The following ANO4 variants were observed in gnomAD, a reference collection of about 807,000 sequenced individuals.
ANO4 encodes anoctamin 4, also known as anoctamin-4.
A neutral mutation model predicts 141.9 loss-of-function variants in ANO4; 69 were observed. The observed-to-expected ratio is 0.49, with a 90% CI of 0.40 to 0.59. The LOEUF is 0.59. ANO4 is among the 20% of genes least tolerant of loss of function. ANO4 has a pLI of 0.00. For synonymous variants in ANO4, 350 were observed against 394.3 expected, an observed-to-expected ratio of 0.89 and a Z score of 1.33; for missense variants, 894 against 1,162.2, an observed-to-expected ratio of 0.77 and a Z score of 3.36.
intron 2 of ANO4, among the ~76,000 whole-genome samples, chr12:100,915,334 G>C (rs1234993389): frequency 6.6e-6 from 1 of 152,132 alleles, no homozygotes; most frequent in Non-Finnish European, 1.5e-5. Context: ...TGCTGTGTTT[G>C]AGAATTTGTA....
intron 16 of ANO4, 135 bp from the exon 17 acceptor site, chr12:101,086,525 A>T: frequency 1.1e-6 from 1 of 894,898 alleles, no homozygotes; most frequent in Non-Finnish European, 1.7e-6. Context: ...AAAAGTATGC[A>T]TTTGATTGTG....
chr12:100,868,717 G>A (rs552774949), intron 1 of ANO4, among the ~76,000 whole-genome samples: 3 of 152,240 alleles, frequency 2.0e-5, no homozygotes, highest in Admixed American at 2.0e-4. Flanking sequence ...TGTGGTTAGA[G>A]AATGGCTGTT....
In ANO4 at chr12:100,942,504, T is replaced by G; in HGVS notation, c.425T>G (p.Ile142Ser). 1 of 1,613,962 alleles carries G rather than the reference T, an allele frequency of 6.2e-7. No individual in the cohort carries two copies. The highest frequency in any genetic ancestry group is 8.5e-7 in the Non-Finnish European group (1 of 1,179,952). Residue 142 changes from isoleucine to serine, a missense_variant, in exon 5 of 28, where the codon ATT (isoleucine) becomes AGT (serine). Ile to Ser is a moderately radical substitution (Grantham distance 142, BLOSUM62 -2). Transcript: ENST00000392977. ...AAGAGAGAAGTATTTGAAAGAAACATTAGAGCAGAAGGATTGCAAATGGAG... is the reference window on the plus strand; with the variant it reads ...AAGAGAGAAGTATTTGAAAGAAACAGTAGAGCAGAAGGATTGCAAATGGAG... ...TEKREVFERN[I>S]RAEGLQMEKE...
In ANO4 at chr12:100,817,339, A is replaced by T. The variant is rs190336044; in HGVS notation, c.-141+22312A>T. The stretch of plus-strand genomic sequence containing the variant: ...CTGGTTTCCAGCAGACACAACCTAG[A>T]GTAATCCCTGCCTAGGCTTAGCCTA... On this transcript the variant is annotated intron_variant, in intron 1 of 27. Coordinates refer to ENST00000392977, the MANE Select transcript of ANO4 (RefSeq NM_001286615.2). Among the ~76,000 whole-genome samples the T allele has an allele frequency of 4.6e-3, 695 of 151,994 alleles. 4 individuals are homozygous for T. The highest frequency in any genetic ancestry group is 7.4e-3 in the Non-Finnish European group (504 of 67,856).
chr12:101,062,217 CA>C (rs2048375636), intron 14 of ANO4, among the ~76,000 whole-genome samples: 1 of 152,190 alleles, frequency 6.6e-6, no homozygotes, highest in Non-Finnish European at 1.5e-5. Context: ...GTGGAGGCTG[CA>C]GAACAGCAAA....
chr12:100,966,832 T>C (rs1362859977), intron 5 of ANO4, among the ~76,000 whole-genome samples: 1 of 120,808 alleles, frequency 8.3e-6, no homozygotes, highest in African/African-American at 3.6e-5. Context: ...TATATACACA[T>C]ATATATACAC....
chr12:100,806,375 G>A (rs1445832987), intron 1 of ANO4, among the ~76,000 whole-genome samples: 1 of 151,942 alleles, frequency 6.6e-6, no homozygotes, highest in Non-Finnish European at 1.5e-5. Flanking sequence ...GTGAAAAGTA[G>A]CATCTTATAG....
intron 2 of ANO4, among the ~76,000 whole-genome samples, chr12:100,920,205 T>C (rs2041567294): frequency 6.6e-6 from 1 of 152,170 alleles, no homozygotes. Context: ...AATCCAGTTC[T>C]CTTATCTCCA....
intron 14 of ANO4, chr12:101,068,839 G>A (rs1416442894): frequency 3.7e-5 from 37 of 1,008,782 alleles, no homozygotes; most frequent in Non-Finnish European, 5.4e-5. Flanking sequence ...TGAGCTATTT[G>A]AAAAACTTAG....
intron 1 of ANO4, among the ~76,000 whole-genome samples, chr12:100,729,429 G>C (rs2031292543): frequency 7.1e-6 from 1 of 141,528 alleles, no homozygotes; most frequent in African/African-American, 2.6e-5. Context: ...GGTAGGTCCT[G>C]TTATATAAAT....
At chr12:100,805,932 ATGT>A (rs1236319388) in intron 1 of ANO4, among the ~76,000 whole-genome samples, 9 of 152,176 alleles carry the variant, frequency 5.9e-5, no homozygotes, top group Admixed American at 1.3e-4. Context: ...ACAGTAAGTG[ATGT>A]TGTGGCAGGA....
At chr12:101,024,285 A>T (rs538970845) in intron 9 of ANO4, among the ~76,000 whole-genome samples, 1 of 152,226 alleles carries the variant, frequency 6.6e-6, no homozygotes, top group Non-Finnish European at 1.5e-5. Context: ...TTGATAAATT[A>T]TGATAAACTT....
intron 1 of ANO4, among the ~76,000 whole-genome samples, chr12:100,893,184 TAGG>T (rs2040187465): frequency 6.6e-6 from 1 of 151,168 alleles, no homozygotes; most frequent in African/African-American, 2.5e-5. Flanking sequence ...GAGCTGATCT[TAGG>T]AGAATATATT....
intron 1 of ANO4, among the ~76,000 whole-genome samples, chr12:100,828,772 A>G (rs987281755): frequency 2.6e-5 from 4 of 151,950 alleles, no homozygotes; most frequent in Admixed American, 6.6e-5. Flanking sequence ...CAAATCCTTA[A>G]TTTAGCTTTG....
At chr12:100,992,047 G>A (rs531781720) in intron 8 of ANO4, among the ~76,000 whole-genome samples, 3 of 152,140 alleles carry the variant, frequency 2.0e-5, no homozygotes, top group South Asian at 2.1e-4. Flanking sequence ...ACATCTCCAC[G>A]GATTGATGAT....
At chr12:101,090,742 T>TA (rs946691985) in intron 17 of ANO4, among the ~76,000 whole-genome samples, 18 of 150,664 alleles carry the variant, frequency 1.2e-4, no homozygotes, top group Non-Finnish European at 1.0e-4. Context: ...GAACTTAAAT[T>TA]AAAAAAAAAG....
chr12:100,916,980 T>C (rs1485338273), intron 2 of ANO4, among the ~76,000 whole-genome samples: 1 of 136,988 alleles, frequency 7.3e-6, no homozygotes. Flanking sequence ...GTGACTGTCT[T>C]AAAAAAAAAA....
chr12:100,759,001 A>G (rs1040745447), intron 3 of ANO4, among the ~76,000 whole-genome samples: 41 of 152,244 alleles, frequency 2.7e-4, no homozygotes, highest in African/African-American at 9.6e-4. Flanking sequence ...AATCTTAACT[A>G]TATGTGCAAA....
intron 1 of ANO4, among the ~76,000 whole-genome samples, chr12:100,725,494 C>T (rs542521837): frequency 2.6e-5 from 4 of 152,064 alleles, no homozygotes; most frequent in South Asian, 2.1e-4. Context: ...CTACAGGCGC[C>T]CACCACCACG....
Sources: allele counts gnomAD v4.1 joint callset (sites outside exome capture counted in the v4.1 genomes callset), GRCh38; gene constraint gnomAD v4.1.1; transcripts MANE v1.5; gene names NCBI Gene and HGNC (gene_info 2026-07-23, HGNC 2026-07-21).